TSR3: variants seen among roughly 807,000 people sequenced by gnomAD.
TSR3 encodes the protein 18S rRNA aminocarboxypropyltransferase.
TSR3 carries 31 observed loss-of-function variants against 28.1 expected under a neutral mutation model. That is an observed-to-expected ratio of 1.10 (90% CI 0.83 to 1.49). The LOEUF is 1.49. Among genes scored for constraint, TSR3 ranks in the 40% most tolerant of loss-of-function variants. TSR3 has a pLI of 0.00. For missense variants in TSR3, 511 were observed against 444.0 expected (o/e 1.15, Z -1.36); for synonymous variants, 219 against 197.2 (o/e 1.11, Z -0.93).
chr16:1,351,375 C>T lies in TSR3; in HGVS notation c.332+4G>A. The T allele has an allele frequency of 6.3e-7, 1 of 1,580,278 alleles. No homozygotes were observed. The highest frequency in any genetic ancestry group is 8.5e-7 in the Non-Finnish European group (1 of 1,172,186). On this transcript the variant is annotated splice_donor_region_variant and intron_variant, in intron 2 of 5. Coordinates refer to ENST00000007390, the MANE Select transcript of TSR3 (RefSeq NM_001001410.3). Reference sequence around the variant, plus strand: ...ACGACCTCGGGCAGGCCTCCCGCGCCTACCTGTCTGCGGGGGACGCGTACT... The same window carrying T: ...ACGACCTCGGGCAGGCCTCCCGCGCTTACCTGTCTGCGGGGGACGCGTACT...
intron 2 of TSR3, 113 bp from the exon 3 acceptor site, chr16:1,351,113 C>T: frequency 8.3e-7 from 1 of 1,200,892 alleles, no homozygotes; most frequent in Non-Finnish European, 1.2e-6. Context: ...CATCCCCAAA[C>T]ACCCTCAAAC....
At chr16:1,349,657 G>C (rs1350387393) in intron 5 of TSR3, 49 bp from the exon 6 acceptor site, 2 of 1,545,988 alleles carry the variant, frequency 1.3e-6, no homozygotes, top group Admixed American at 3.9e-5. Flanking sequence ...TCCCTGGCTA[G>C]CTGGAGTCAA....
intron 2 of TSR3, 149 bp from the exon 3 acceptor site, chr16:1,351,149 C>A (rs1210197498): frequency 4.0e-6 from 4 of 997,692 alleles, no homozygotes; most frequent in Middle Eastern, 3.2e-4. Context: ...GCTTTTGAGG[C>A]AGCTGCTTGG....
chr16:1,351,831 C>A lies in TSR3; in HGVS notation c.-27G>T, dbSNP rs2034686244. The A allele has an allele frequency of 3.1e-6, 4 of 1,291,928 alleles. No homozygotes were observed. The highest frequency in any genetic ancestry group is 2.9e-6 in the Non-Finnish European group (3 of 1,024,518). The allele number at this position is 1,291,928 out of a possible 1,614,324, so 80.0% of individuals were successfully genotyped here. On this transcript the variant is annotated 5_prime_UTR_variant, in exon 1 of 6. Transcript: ENST00000007390. ...GCGCGGACCTGGGGTGCCGGGGACT[C>A]CCCACCCCACGGCCGCGCCCCTCGG...
At chr16:1,350,491 G>C (rs990493649) in intron 3 of TSR3, among the ~76,000 whole-genome samples, 5 of 152,074 alleles carry the variant, frequency 3.3e-5, no homozygotes, top group Non-Finnish European at 7.4e-5. Context: ...CGCCTCATCA[G>C]GGCCTCTTTA....
At position 1,351,684 on chromosome 16, in the gene TSR3, C is replaced by G; in HGVS notation, c.112+9G>C. 1 of 1,385,722 alleles carries G rather than the reference C, an allele frequency of 7.2e-7. No homozygotes were observed. The highest frequency in any genetic ancestry group is 9.3e-7 in the Non-Finnish European group (1 of 1,076,014). The allele number at this position is 1,385,722 out of a possible 1,614,324, so 85.8% of individuals were successfully genotyped here. On this transcript the variant is annotated intron_variant, in intron 1 of 5. Coordinates refer to ENST00000007390, the MANE Select transcript of TSR3 (RefSeq NM_001001410.3). ...CCCTGACCCGCTCTCCCCATCACGC[C>G]TCGCTCACCCTGCAGCGCGGCGCCG... is the stretch of plus-strand genomic sequence containing the variant.
In TSR3 at chr16:1,349,590, A is replaced by G; in HGVS notation, c.786T>C (p.Asp262=). 3 of 1,606,376 alleles carry G rather than the reference A, an allele frequency of 1.9e-6. No individual in the cohort carries two copies. The highest frequency in any genetic ancestry group is 2.6e-6 in the Non-Finnish European group (3 of 1,176,350). ...CTGGGTCCTCAGACGCATCACTGTC[A>G]TCAGTGTCCGAGGGCAGCCTGGGAG... ...VASTRLPSDT[D]DSDASEDPGP... The change falls in exon 6 of 6, where the codon GAT becomes GAC. Residue 262 remains aspartate (D), a synonymous_variant. Transcript: ENST00000007390.
Position 1,350,028 on chromosome 16 carries a change from G to A in TSR3, c.703+30C>T, listed in dbSNP as rs778712535. ...GCCTCCCACCCCCCAGGCTTTGGAG[G>A]GCCTTGGTTCCCACCCCGCCAAGGC... On this transcript the variant is annotated intron_variant, in intron 4 of 5. Coordinates refer to ENST00000007390, the MANE Select transcript of TSR3 (RefSeq NM_001001410.3). 48 of 1,610,048 alleles carry A rather than the reference G, an allele frequency of 3.0e-5. 1 individual carries two copies. The South Asian group carries it at 4.6e-4, about 16-fold the overall frequency.
chr16:1,351,766 T>C lies in TSR3; in HGVS notation c.39A>G (p.Glu13=). Residue 13 remains glutamate (E), a synonymous_variant, in exon 1 of 6, where the codon GAA becomes GAG. Transcript: ENST00000007390. ...TCGGGAGGTGCCGAGGGCGGCCGCC[T>C]TCCGCCCCCGGCCCGCGCGCTGCCC... ...RRRAARGPGA[E]GGRPRHLPTR... 7.4e-7 allele frequency: 1 copy of C among 1,350,962 alleles called. No individual in the cohort carries two copies. The highest frequency in any genetic ancestry group is 1.8e-5 in the South Asian group (1 of 55,782). The allele number at this position is 1,350,962 out of a possible 1,614,324, so 83.7% of individuals were successfully genotyped here.
Position 1,351,400 on chromosome 16 carries a change from T to C in TSR3, c.311A>G (p.Gln104Arg). 1 of 1,594,006 alleles carries C rather than the reference T, an allele frequency of 6.3e-7. No homozygotes were observed. The highest frequency in any genetic ancestry group is 8.5e-7 in the Non-Finnish European group (1 of 1,178,002). The change falls in exon 2 of 6, where the codon CAG becomes CGG. Residue 104 changes from glutamine to arginine, a missense_variant. By Grantham distance (43) the Gln-to-Arg change is conservative (BLOSUM62 1). Transcript: ENST00000007390. ...GGLVLSPVGK[Q>R]YASPADRQLV... is the part of the protein sequence containing the mutation. Reference sequence around the variant, plus strand: ...CTACCTGTCTGCGGGGGACGCGTACTGCTTGCCCACGGGGCTCAGCACCAG... The same window carrying C: ...CTACCTGTCTGCGGGGGACGCGTACCGCTTGCCCACGGGGCTCAGCACCAG...
chr16:1,350,362 A>G (rs1186389319), intron 3 of TSR3, 128 bp from the exon 4 acceptor site: 4 of 1,052,932 alleles, frequency 3.8e-6, no homozygotes, highest in Non-Finnish European at 5.3e-6. Flanking sequence ...ATCAGCTCAC[A>G]GTCCTGAGAA....
Position 1,349,353 on chromosome 16 carries a change from C to A in TSR3, c.*84G>T, listed in dbSNP as rs764102495. 1 of 1,499,784 alleles carries A rather than the reference C, an allele frequency of 6.7e-7. No homozygotes were observed. The highest frequency in any genetic ancestry group is 1.7e-5 in the Admixed American group (1 of 59,816). 92.9% of individuals were successfully genotyped at this position (1,499,784 alleles called of 1,614,324 possible). A position where few individuals can be genotyped will look rare whatever the true frequency, so the allele number is the denominator to read the frequency against. On this transcript the variant is annotated 3_prime_UTR_variant, in exon 6 of 6. Transcript: ENST00000007390. The stretch of plus-strand genomic sequence containing the variant: ...CAGTCCTGCCAGCAGCCGCAAAGAG[C>A]CGAGGCTGCCAGGCCCATTTATGTC...
intron 1 of TSR3, 28 bp from the exon 2 acceptor site, chr16:1,351,626 C>G (rs1034326211): frequency 6.9e-7 from 1 of 1,450,210 alleles, no homozygotes; most frequent in Non-Finnish European, 9.0e-7. Flanking sequence ...GGGCACTCGG[C>G]CTCAGCGTGG....
At position 1,350,124 on chromosome 16, in the gene TSR3, C is replaced by T. The variant is rs2034630351; in HGVS notation, c.637G>A (p.Glu213Lys). Residue 213 changes from glutamate (E) to lysine (K), a missense_variant, in exon 4 of 6, where the codon GAG (glutamate) becomes AAG (lysine). Glu to Lys is a moderately conservative substitution (Grantham distance 56, BLOSUM62 1). Coordinates refer to ENST00000007390, the MANE Select transcript of TSR3 (RefSeq NM_001001410.3). ...AACTCCTGCTCCGCCTGCAGCACCT[C>T]CTCCGGGCTGCCGCAGGCCGCGTAC... ...DKYAACGSPE[E>K]VLQAEQEFLA... 2 of 1,612,108 alleles carry T rather than the reference C, an allele frequency of 1.2e-6. No homozygotes were observed. Among genetic ancestry groups the T allele is most frequent in the Non-Finnish European group, 1.7e-6 (2 of 1,179,454 alleles).
Position 1,351,522 on chromosome 16 carries a change from C to G in TSR3, c.189G>C (p.Trp63Cys). 6.6e-7 allele frequency: 1 copy of G among 1,525,086 alleles called. No individual in the cohort carries two copies. The highest frequency in any genetic ancestry group is 8.7e-7 in the Non-Finnish European group (1 of 1,143,380). 94.5% of individuals were successfully genotyped at this position (1,525,086 alleles called of 1,614,324 possible). A position where few individuals can be genotyped will look rare whatever the true frequency, so the allele number is the denominator to read the frequency against. ...GCCGGGGGTCGCAGTGGCCCAACTC[C>G]CACATGGCCAGCGTGCAGGGCAGCG... is the stretch of plus-strand genomic sequence containing the variant. ...PAALPCTLAM[W>C]ELGHCDPRRC... is the part of the protein sequence containing the mutation. The change falls in exon 2 of 6, where the codon TGG becomes TGC. Residue 63 changes from tryptophan (W) to cysteine (C), a missense_variant. Transcript: ENST00000007390.
chr16:1,351,808 G>A lies in TSR3; in HGVS notation c.-4C>T, dbSNP rs2034685577. 9 of 1,322,876 alleles carry A rather than the reference G, an allele frequency of 6.8e-6. No homozygotes were observed. Among genetic ancestry groups the A allele is most frequent in the Non-Finnish European group, 8.6e-6 (9 of 1,042,520 alleles). The allele number at this position is 1,322,876 out of a possible 1,614,324, so 81.9% of individuals were successfully genotyped here. ...GCGCTGCCCTCCTGCGGCCCATGGC[G>A]CGGACCTGGGGTGCCGGGGACTCCC... On this transcript the variant is annotated 5_prime_UTR_variant, in exon 1 of 6. Transcript: ENST00000007390.
At chr16:1,349,724 C>T in intron 5 of TSR3, 116 bp from the exon 6 acceptor site, 1 of 1,411,534 alleles carries the variant, frequency 7.1e-7, no homozygotes, top group East Asian at 2.4e-5. Context: ...CCTGTGCTCT[C>T]CACACCCAAA....
chr16:1,351,819 G>A lies in TSR3; in HGVS notation c.-15C>T, dbSNP rs2034685864. ...CTGCGGCCCATGGCGCGGACCTGGG[G>A]TGCCGGGGACTCCCCACCCCACGGC... On this transcript the variant is annotated 5_prime_UTR_variant, in exon 1 of 6. Transcript: ENST00000007390. 1.5e-6 allele frequency: 2 copies of A among 1,308,562 alleles called. No homozygotes were observed. The highest frequency in any genetic ancestry group is 1.9e-6 in the Non-Finnish European group (2 of 1,034,070). The allele number at this position is 1,308,562 out of a possible 1,614,324, so 81.1% of individuals were successfully genotyped here.
rs778431583 is a variant in TSR3, at chr16:1,350,253, G to C, written c.527-19C>G. On this transcript the variant is annotated intron_variant, in intron 3 of 5. Transcript: ENST00000007390. ...GGAAAGCCTGACGGTGTGAGAAACA[G>C]GAAACCCAAAGAAGTCGACGGTCCC... 2.4e-5 allele frequency: 37 copies of C among 1,571,092 alleles called. 1 individual carries two copies. Among genetic ancestry groups the C allele is most frequent in the Middle Eastern group, 1.7e-4 (1 of 5,846 alleles).
Sources: allele counts gnomAD v4.1 joint callset (sites outside exome capture counted in the v4.1 genomes callset), GRCh38; gene constraint gnomAD v4.1.1; transcripts MANE v1.5; gene names NCBI Gene and HGNC (gene_info 2026-07-23, HGNC 2026-07-21).